The following LILRB1 variants were observed in gnomAD, a reference collection of about 807,000 sequenced individuals.
The protein encoded by LILRB1 is leukocyte immunoglobulin like receptor B1.
In LILRB1, 59 loss-of-function variants were observed where a neutral mutation model predicts 74.6. The ratio of observed to expected loss-of-function variants is 0.79; its 90% CI spans 0.64 to 0.98. LILRB1 has a LOEUF of 0.98. Among genes scored for constraint, LILRB1 ranks in the 50% least tolerant of loss-of-function variants. The pLI is 0.00. For synonymous variants in LILRB1, 328 were observed against 333.9 expected (o/e 0.98, Z 0.19); for missense variants, 804 against 822.6 (o/e 0.98, Z 0.28).
chr19:54,622,179 G>T (rs189231844), intron 1 of LILRB1, among the ~76,000 whole-genome samples: 4 of 152,230 alleles, frequency 2.6e-5, no homozygotes, highest in African/African-American at 9.6e-5. Flanking sequence ...CTGGTTTTTG[G>T]TTCCAAATGA....
chr19:54,630,551 G>A lies in LILRB1; in HGVS notation c.-131G>A, dbSNP rs545505463. ...GGCGGCACAGCCAGATGCGAGATGC[G>A]TCTCTGCTGATCTGAGTCTGCCTGC... On this transcript the variant is annotated 5_prime_UTR_variant, in exon 1 of 15. Transcript: ENST00000324602. 9.5e-5 allele frequency: 56 copies of A among 589,424 alleles called. 1 individual carries two copies. Among genetic ancestry groups the A allele is most frequent in the African/African-American group, 1.7e-4 (9 of 53,674 alleles). 36.5% of individuals were successfully genotyped at this position (589,424 alleles called of 1,614,324 possible). A position where few individuals can be genotyped will look rare whatever the true frequency, so the allele number is the denominator to read the frequency against.
At chr19:54,634,048 T>A (rs1440506526) in intron 9 of LILRB1, 27 bp downstream of exon 9, 1 of 1,574,426 alleles carries the variant, frequency 6.4e-7, no homozygotes, top group African/African-American at 1.4e-5. Context: ...GAGTGGGAGG[T>A]GGGCAGGGTC....
exon 1 of LILRB1, chr19:54,617,209 G>A (rs2063329710): frequency 6.6e-6 from 1 of 152,146 alleles, no homozygotes. Context: ...AAGAAAAAGT[G>A]GGAAACAAAT....
At chr19:54,624,256 G>T (rs1246190983) in intron 1 of LILRB1, among the ~76,000 whole-genome samples, 1 of 152,210 alleles carries the variant, frequency 6.6e-6, no homozygotes. Context: ...CTCTGCGGGG[G>T]GTGAAGGAGC....
intron 13 of LILRB1, chr19:54,636,269 CT>C: frequency 1.2e-6 from 1 of 863,396 alleles, no homozygotes; most frequent in Non-Finnish European, 1.8e-6. Context: ...GCAGCGAGCT[CT>C]TGCAGGAAGG....
chr19:54,634,642 T>A lies in LILRB1; in HGVS notation c.1365T>A (p.Gly455=), dbSNP rs1167385702. 3.7e-6 allele frequency: 6 copies of A among 1,612,512 alleles called. No homozygotes were observed. Among genetic ancestry groups the A allele is most frequent in the Non-Finnish European group, 4.2e-6 (5 of 1,179,258 alleles). The change falls in exon 10 of 15, where the codon GGT becomes GGA. Residue 455 remains glycine (G), a splice_region_variant and synonymous_variant. Coordinates refer to ENST00000324602, the MANE Select transcript of LILRB1 (RefSeq NM_001081637.3). ...ATCCCTGACATCATCGTGCTCAAGG[T>A]CTGGGAAGGCACCTGGGGGTTGTGA... ...LTPTGSDPQS[G]LGRHLGVVIG...
At chr19:54,629,826 T>C (rs1218878884), upstream of LILRB1, among the ~76,000 whole-genome samples, 2 of 152,272 alleles carry the variant, frequency 1.3e-5, no homozygotes, top group South Asian at 4.1e-4. Flanking sequence ...TGGATCCATC[T>C]ACACTTGGGA....
At chr19:54,627,894 G>A (rs944101194), upstream of LILRB1, among the ~76,000 whole-genome samples, 5 of 152,098 alleles carry the variant, frequency 3.3e-5, no homozygotes, top group Non-Finnish European at 4.4e-5. Flanking sequence ...CCCCAGTGCC[G>A]TAAACAAATA....
intron 1 of LILRB1, among the ~76,000 whole-genome samples, chr19:54,624,655 C>T (rs997535186): frequency 2.6e-5 from 4 of 152,084 alleles, no homozygotes; most frequent in Non-Finnish European, 5.9e-5. Context: ...AGGTAGTTCC[C>T]GGATCACAGG....
chr19:54,630,739 G>A, intron 1 of LILRB1, 106 bp downstream of exon 1: 13 of 663,580 alleles, frequency 2.0e-5, no homozygotes, highest in Non-Finnish European at 3.5e-5. Context: ...TCGTCAGGAA[G>A]GGCAGACACA....
chr19:54,627,207 T>A (rs562811788), upstream of LILRB1, among the ~76,000 whole-genome samples: 1 of 152,332 alleles, frequency 6.6e-6, no homozygotes, highest in East Asian at 1.9e-4. Context: ...CATCCCCAAG[T>A]ACTGATAAAG....
intron 13 of LILRB1, chr19:54,635,861 G>A (rs1459079186): frequency 2.9e-6 from 2 of 680,112 alleles, no homozygotes; most frequent in East Asian, 2.9e-5. Context: ...CTCTCCCCAG[G>A]CCTCAGGAGG....
intron 1 of LILRB1, among the ~76,000 whole-genome samples, chr19:54,622,740 A>G (rs8108868): frequency 0.59 from 88,932 of 151,924 alleles, 27,125 homozygotes; most frequent in South Asian, 0.69. Context: ...GGACATCCTT[A>G]TCCTGTTCCA....
chr19:54,631,890 G>T (rs374314250), intron 4 of LILRB1, 45 bp from the exon 5 acceptor site: 3 of 1,608,098 alleles, frequency 1.9e-6, no homozygotes, highest in Non-Finnish European at 1.7e-6. Context: ...GGGATGACGC[G>T]GGTGGTCTGA....
intron 12 of LILRB1, 129 bp from the exon 13 acceptor site, chr19:54,635,428 G>A: frequency 6.6e-7 from 1 of 1,514,754 alleles, no homozygotes; most frequent in Non-Finnish European, 9.0e-7. Context: ...CACACTGTGG[G>A]GCCTCAGGGA....
chr19:54,621,897 T>C (rs1184071802), intron 1 of LILRB1, among the ~76,000 whole-genome samples: 1 of 152,220 alleles, frequency 6.6e-6, no homozygotes, highest in African/African-American at 2.4e-5. Flanking sequence ...TTTTATTCTT[T>C]TGCATATGGC....
chr19:54,630,297 G>C (rs1406212654), upstream of LILRB1: 1 of 287,052 alleles, frequency 3.5e-6, no homozygotes, highest in South Asian at 3.3e-5. Context: ...GAGGTGCAGA[G>C]GGACGGCCAA....
upstream of LILRB1, among the ~76,000 whole-genome samples, chr19:54,628,621 T>A (rs549128245): frequency 1.1e-4 from 16 of 152,162 alleles, no homozygotes; most frequent in African/African-American, 3.6e-4. Context: ...GGAGGAGGCA[T>A]GGGGGAAGGG....
chr19:54,619,129 A>G (rs768244601), intron 1 of LILRB1, among the ~76,000 whole-genome samples: 7 of 152,174 alleles, frequency 4.6e-5, no homozygotes, highest in Non-Finnish European at 1.0e-4. Context: ...ACAGGAAATA[A>G]GAGATGTAAA....
Sources: gnomAD v4.1 joint callset for allele counts (sites outside exome capture counted in the v4.1 genomes callset) on GRCh38, gnomAD v4.1.1 for gene constraint, MANE v1.5 for transcripts, NCBI Gene and HGNC (gene_info 2026-07-23, HGNC 2026-07-21) for gene names.